MAPK14: variants seen among roughly 807,000 people sequenced by gnomAD.
The protein encoded by MAPK14 is mitogen-activated protein kinase 14.
MAPK14 carries 16 observed loss-of-function variants against 49.6 expected under a neutral mutation model. The observed-to-expected ratio is 0.32, with a 90% CI of 0.22 to 0.49. MAPK14 has a LOEUF of 0.49. MAPK14 is among the 20% of genes least tolerant of loss of function. The probability of loss-of-function intolerance (pLI) is 0.99; values close to 1 mark genes in which losing one functional copy is unlikely to be tolerated. For synonymous variants in MAPK14, 142 were observed against 158.0 expected, an observed-to-expected ratio of 0.90 and a Z score of 0.76; for missense variants, 200 against 441.2, an observed-to-expected ratio of 0.45 and a Z score of 4.90.
chr6:36,092,312 G>T, intron 8 of MAPK14: 1 of 601,492 alleles, frequency 1.7e-6, no homozygotes. Flanking sequence ...TCTTCCTCAA[G>T]CTCCCAAAGA....
chr6:36,056,799 C>A (rs1763606732), intron 2 of MAPK14, among the ~76,000 whole-genome samples: 1 of 152,082 alleles, frequency 6.6e-6, no homozygotes, highest in South Asian at 2.1e-4. Context: ...TAACAAGAAT[C>A]ATTGATTAGA....
intron 1 of MAPK14, among the ~76,000 whole-genome samples, chr6:36,045,208 C>T (rs536613035): frequency 5.4e-4 from 82 of 151,832 alleles, no homozygotes; most frequent in Non-Finnish European, 9.3e-4. Flanking sequence ...TTTGGCCTTA[C>T]GACAGCAATC....
intron 1 of MAPK14, among the ~76,000 whole-genome samples, chr6:36,033,905 TATCA>T (rs1275429328): frequency 6.6e-6 from 1 of 152,214 alleles, no homozygotes; most frequent in East Asian, 1.9e-4. Context: ...TTCAAAGCAT[TATCA>T]ATCAGTTCTC....
At chr6:36,044,286 G>C (rs1763086834) in intron 1 of MAPK14, among the ~76,000 whole-genome samples, 1 of 151,968 alleles carries the variant, frequency 6.6e-6, no homozygotes. Flanking sequence ...AATCACTTAC[G>C]ATCCCCACAA....
intron 3 of MAPK14, among the ~76,000 whole-genome samples, chr6:36,068,735 C>T (rs73730437): frequency 0.14 from 21,787 of 151,688 alleles, 1,941 homozygotes; most frequent in African/African-American, 0.26. Flanking sequence ...AGGAAGAGGG[C>T]GGGGGCAGTG....
chr6:36,037,798 A>G (rs2127398640), intron 1 of MAPK14, among the ~76,000 whole-genome samples: 1 of 152,190 alleles, frequency 6.6e-6, no homozygotes, highest in East Asian at 1.9e-4. Context: ...GCATCCTGGG[A>G]AAAATGGGGA....
intron 3 of MAPK14, among the ~76,000 whole-genome samples, chr6:36,071,612 C>CA (rs1404012998): frequency 6.6e-6 from 1 of 152,092 alleles, no homozygotes; most frequent in African/African-American, 2.4e-5. Context: ...TGTCAATGAA[C>CA]AAAATCCTTT....
intron 1 of MAPK14, 133 bp from the exon 2 acceptor site, chr6:36,052,566 T>A: frequency 1.4e-6 from 1 of 715,840 alleles, no homozygotes. Context: ...TAGGTCATTT[T>A]GCTTTTTATC....
intron 3 of MAPK14, among the ~76,000 whole-genome samples, chr6:36,071,762 T>C (rs548271363): frequency 3.9e-5 from 6 of 152,246 alleles, no homozygotes; most frequent in Admixed American, 2.6e-4. Flanking sequence ...ATTATAGCCA[T>C]GCAGTAAGTT....
chr6:36,104,395 C>T (rs1967966), intron 10 of MAPK14, among the ~76,000 whole-genome samples: 24,437 of 148,840 alleles, frequency 0.16, 2,661 homozygotes, highest in African/African-American at 0.32. Context: ...TCTTTCTTTC[C>T]TTTTTTTTTT....
At chr6:36,102,831 G>T in intron 10 of MAPK14, 182 bp downstream of exon 10, 1 of 993,294 alleles carries the variant, frequency 1.0e-6, no homozygotes, top group East Asian at 2.8e-5. Flanking sequence ...CACATGAGAT[G>T]ATTGTATGTT....
intron 1 of MAPK14, among the ~76,000 whole-genome samples, chr6:36,033,644 TC>T (rs1762630840): frequency 6.6e-6 from 1 of 152,194 alleles, no homozygotes; most frequent in Non-Finnish European, 1.5e-5. Flanking sequence ...AATAAGCTTA[TC>T]CTGGATCTCC....
At position 36,107,269 on chromosome 6, in the gene MAPK14, TACACACACACACAC is replaced by T. The variant is rs67149910; in HGVS notation, c.842-176_842-163del. On this transcript the variant is annotated intron_variant, in intron 10 of 11. Transcript: ENST00000229794. This position sits in a 1 kb window ranked among gnomAD's most constrained non-coding sequence, Gnocchi z 4.3. ...AATTTTAAAACATAGAAAATACAGA[TACACACACACACAC>T]ACACACACATACACACATAAAGGAG... Among the ~76,000 whole-genome samples the T allele has an allele frequency of 6.6e-6, 1 of 150,660 alleles. No homozygotes were observed. The highest frequency in any genetic ancestry group is 1.5e-5 in the Non-Finnish European group (1 of 67,652).
At chr6:36,093,389 C>T (rs934130470) in intron 8 of MAPK14, among the ~76,000 whole-genome samples, 3 of 152,084 alleles carry the variant, frequency 2.0e-5, no homozygotes, top group Non-Finnish European at 2.9e-5. Flanking sequence ...GAGAAATTCA[C>T]AGCTCAGAGA....
At chr6:36,036,142 A>G (rs1310098950) in intron 1 of MAPK14, among the ~76,000 whole-genome samples, 1 of 151,868 alleles carries the variant, frequency 6.6e-6, no homozygotes, top group Admixed American at 6.6e-5. Flanking sequence ...AGGCTGAGGC[A>G]GGAGAATTGC....
intron 9 of MAPK14, among the ~76,000 whole-genome samples, chr6:36,099,484 G>A (rs548746929): frequency 6.6e-6 from 1 of 152,312 alleles, no homozygotes; most frequent in East Asian, 1.9e-4. Context: ...AGGTTAGTCT[G>A]TTCGCTAGTT....
chr6:36,067,494 CTGGTTGA>C (rs1469024574), intron 3 of MAPK14, among the ~76,000 whole-genome samples: 25 of 152,044 alleles, frequency 1.6e-4, no homozygotes, highest in African/African-American at 5.1e-4. Flanking sequence ...CTGTTTATAA[CTGGTTGA>C]TGATTTGGTT....
chr6:36,066,777 T>C (rs1764079308), intron 3 of MAPK14, among the ~76,000 whole-genome samples: 1 of 152,038 alleles, frequency 6.6e-6, no homozygotes, highest in Non-Finnish European at 1.5e-5. Context: ...TATGTGTGTA[T>C]GTGTAGGGTT....
intron 1 of MAPK14, among the ~76,000 whole-genome samples, chr6:36,045,808 C>CAAAAA (rs371920281): frequency 3.1e-3 from 143 of 46,114 alleles, no homozygotes; most frequent in Non-Finnish European, 4.1e-3. Flanking sequence ...GACTCTGTCT[C>CAAAAA]AAAAAAAAAA....
Sources: allele counts gnomAD v4.1 joint callset (sites outside exome capture counted in the v4.1 genomes callset), GRCh38; gene constraint gnomAD v4.1.1; non-coding constraint Gnocchi (gnomAD v3.1); transcripts MANE v1.5; gene names NCBI Gene and HGNC (gene_info 2026-07-23, HGNC 2026-07-21).